Variants in HERC6 observed in about 807,000 individuals in gnomAD.
HERC6 encodes the protein probable E3 ubiquitin-protein ligase HERC6.
In HERC6, 101 loss-of-function variants were observed where a neutral mutation model predicts 114.5. The ratio of observed to expected loss-of-function variants is 0.88; its 90% confidence interval spans 0.75 to 1.04. The LOEUF (loss-of-function observed/expected upper bound fraction) is 1.04. Ranked by LOEUF, HERC6 falls within the 50% of genes least tolerant of loss-of-function variation. The pLI is 0.00. For missense variants in HERC6, 1,133 were observed against 1,230.9 expected, an observed-to-expected ratio of 0.92 and a Z score of 1.19; for synonymous variants, 408 against 436.2, an observed-to-expected ratio of 0.94 and a Z score of 0.81.
At chr4:88,434,432 G>A (rs1279271614) in intron 17 of HERC6, among the ~76,000 whole-genome samples, 1 of 152,228 alleles carries the variant, frequency 6.6e-6, no homozygotes, top group Non-Finnish European at 1.5e-5. Context: ...GAAATCAAGA[G>A]GGGACTGAAG....
At position 88,383,110 on chromosome 4, in the gene HERC6, G is replaced by C. The variant is rs77262622; in HGVS notation, c.200-111G>C. ...CTTGATTCAAAAGACCATTGGAGGA[G>C]ACAAGAAATCTGGATGATCCTTCTT... is the stretch of plus-strand genomic sequence containing the variant. On this transcript the variant is annotated intron_variant, in intron 1 of 22. Coordinates refer to ENST00000264346, the MANE Select transcript of HERC6 (RefSeq NM_017912.4). 4,399 of 1,373,960 alleles carry C rather than the reference G, an allele frequency of 3.2e-3. 107 individuals carry two copies. The African/African-American group carries it at 0.056, about 18-fold the overall frequency. The allele number at this position is 1,373,960 out of a possible 1,614,324, so 85.1% of individuals were successfully genotyped here.
chr4:88,427,650 T>C (rs771829159), intron 15 of HERC6, among the ~76,000 whole-genome samples: 12 of 152,128 alleles, frequency 7.9e-5, no homozygotes, highest in Non-Finnish European at 1.3e-4. Flanking sequence ...CCCAGGGCCA[T>C]ATGCACACTT....
intron 5 of HERC6, among the ~76,000 whole-genome samples, chr4:88,395,583 A>G (rs1423468933): frequency 6.6e-6 from 1 of 151,980 alleles, no homozygotes; most frequent in Non-Finnish European, 1.5e-5. Flanking sequence ...TTTAAGATCT[A>G]CTCTCTTAGT....
rs1407764240 is a variant in HERC6 at position 88,378,933 on chromosome 4, T to C, written c.12T>C (p.Cys4=). 2.5e-6 allele frequency: 4 copies of C among 1,592,976 alleles called. No homozygotes were observed. Among genetic ancestry groups the C allele is most frequent in the South Asian group, 1.1e-5 (1 of 87,884 alleles). ...GGCGCAGAAGCGGGATGTACTTCTG[T>C]TGGGGCGCCGACTCCAGGGAGCTGC... is the stretch of plus-strand genomic sequence containing the variant. MYF[C]WGADSRELQR... Residue 4 remains cysteine, a synonymous_variant, in exon 1 of 23, where the codon TGT becomes TGC. Coordinates refer to ENST00000264346, the MANE Select transcript of HERC6 (RefSeq NM_017912.4).
chr4:88,406,631 G>C lies in HERC6; in HGVS notation c.1274+1018G>C, dbSNP rs529723535. On this transcript the variant is annotated intron_variant, in intron 10 of 22. Transcript: ENST00000264346. ...TCCTAAGATGTCAAAGATTGCGAAA[G>C]AGAATATATTTTAAGGGGGAAATTT... Among the ~76,000 whole-genome samples the C allele has an allele frequency of 6.6e-5, 10 of 152,338 alleles. No homozygotes were observed. In the East Asian group the frequency reaches 1.9e-3, roughly 29 times the overall value.
intron 14 of HERC6, 88 bp from the exon 15 acceptor site, chr4:88,424,507 T>C: frequency 5.1e-6 from 5 of 974,226 alleles, no homozygotes; most frequent in Non-Finnish European, 7.8e-6. Context: ...AAAAACCAGA[T>C]TCCAAAAAAA....
At chr4:88,431,075 G>T in intron 16 of HERC6, 87 bp from the exon 17 acceptor site, 1 of 1,161,492 alleles carries the variant, frequency 8.6e-7, no homozygotes, top group Non-Finnish European at 1.2e-6. Flanking sequence ...GAGACTGCAA[G>T]AATGGTCGTT....
At chr4:88,383,449 A>G in intron 2 of HERC6, 69 bp downstream of exon 2, 1 of 1,245,170 alleles carries the variant, frequency 8.0e-7, no homozygotes, top group African/African-American at 1.6e-5. Context: ...ACTGTGCAAG[A>G]TGCCAGGATA....
At position 88,413,089 on chromosome 4, in the gene HERC6, C is replaced by T. The variant is rs184025430; in HGVS notation, c.1381C>T (p.Leu461Phe). Residue 461 changes from leucine (L) to phenylalanine (F), a missense_variant, in exon 12 of 23, where the codon CTC becomes TTC. This residue lies in a region of HERC6 where 735 missense variants were observed against 754.0 expected (regional missense o/e 0.97). Transcript: ENST00000264346. ...ATTTTTACCACAGATAACTACGTGT[C>T]TCGAGGATGATCTGCTCAGAGCTCT... ...EWISSMITTCLEDDLLRALPC... is the reference protein window; with the variant it reads ...EWISSMITTCFEDDLLRALPC... 11 of 1,607,620 alleles carry T rather than the reference C, an allele frequency of 6.8e-6. No individual in the cohort carries two copies. The highest frequency in any genetic ancestry group is 1.7e-4 in the Middle Eastern group (1 of 6,048).
At position 88,439,894 on chromosome 4, in the gene HERC6, A is replaced by C. The variant is rs770245291; in HGVS notation, c.2576A>C (p.Tyr859Ser). Residue 859 changes from tyrosine (Y) to serine (S), a missense_variant, in exon 21 of 23, where the codon TAT (tyrosine) becomes TCT (serine). Around this residue, in one of 3 missense-constraint regions of HERC6, gnomAD observed 388 missense variants for 445.9 expected, o/e 0.87. Coordinates refer to ENST00000264346, the MANE Select transcript of HERC6 (RefSeq NM_017912.4). ...QTNKRDYVSK[Y>S]IDYIFNVSVK... ...TCAAGGAGAGACTATGTTTCTAAGT[A>C]TATTGATTACATTTTCAACGTCTCT... The C allele has an allele frequency of 9.0e-6, 13 of 1,449,336 alleles. No individual in the cohort carries two copies. Among genetic ancestry groups the C allele is most frequent in the Middle Eastern group, 3.8e-4 (2 of 5,256 alleles). The allele number at this position is 1,449,336 out of a possible 1,614,324, so 89.8% of individuals were successfully genotyped here.
At chr4:88,390,569 A>G in intron 3 of HERC6, 83 bp from the exon 4 acceptor site, 1 of 1,265,788 alleles carries the variant, frequency 7.9e-7, no homozygotes, top group Non-Finnish European at 1.1e-6. Context: ...AAGCCACAAA[A>G]AAGATTTGTA....
chr4:88,434,147 T>A (rs1205311586), intron 17 of HERC6, among the ~76,000 whole-genome samples: 1 of 152,214 alleles, frequency 6.6e-6, no homozygotes, highest in Admixed American at 6.5e-5. Context: ...GATTGCTGAC[T>A]TAATATGTAA....
chr4:88,425,316 G>C (rs767026572), intron 15 of HERC6, among the ~76,000 whole-genome samples: 2 of 152,266 alleles, frequency 1.3e-5, no homozygotes, highest in South Asian at 4.2e-4. Context: ...TTTCCATTTT[G>C]ATGAGTTAAT....
At chr4:88,384,383 C>A (rs921942044) in intron 2 of HERC6, among the ~76,000 whole-genome samples, 4 of 152,100 alleles carry the variant, frequency 2.6e-5, no homozygotes, top group African/African-American at 4.8e-5. Context: ...TCAACACAAC[C>A]TTTTGGCTTG....
intron 8 of HERC6, among the ~76,000 whole-genome samples, chr4:88,404,142 C>T (rs916567796): frequency 8.6e-5 from 13 of 151,466 alleles, no homozygotes; most frequent in Non-Finnish European, 1.2e-4. Context: ...TTATTTCATT[C>T]GCTTGTCTTC....
chr4:88,407,927 G>A (rs1735890794), intron 10 of HERC6, among the ~76,000 whole-genome samples: 1 of 152,190 alleles, frequency 6.6e-6, no homozygotes, highest in African/African-American at 2.4e-5. Context: ...AGGGAAGGCT[G>A]GAGGTTTGAC....
chr4:88,424,249 G>A (rs549493306), intron 14 of HERC6, among the ~76,000 whole-genome samples: 1 of 152,310 alleles, frequency 6.6e-6, no homozygotes, highest in East Asian at 1.9e-4. Context: ...CACTTTGGGA[G>A]GCCAAGGTGA....
chr4:88,394,474 C>CAA (rs781425955), intron 5 of HERC6, among the ~76,000 whole-genome samples: 4,951 of 42,810 alleles, frequency 0.12, 273 homozygotes, highest in East Asian at 0.22. Flanking sequence ...CTCTCCTGTC[C>CAA]AAAAAAAAAA....
intron 5 of HERC6, among the ~76,000 whole-genome samples, chr4:88,395,381 A>G (rs963930008): frequency 1.3e-5 from 2 of 152,192 alleles, no homozygotes; most frequent in African/African-American, 4.8e-5. Flanking sequence ...CTATTCATTC[A>G]ATAAAGACTT....
Sources: gnomAD v4.1 joint callset for allele counts (sites outside exome capture counted in the v4.1 genomes callset) on GRCh38, gnomAD v4.1.1 for gene constraint, gnomAD v4.1.1 regional missense constraint, MANE v1.5 for transcripts, NCBI Gene and HGNC (gene_info 2026-07-23, HGNC 2026-07-21) for gene names.